NBEA: variants seen among roughly 807,000 people sequenced by gnomAD.
NBEA encodes neurobeachin.
Under a neutral mutation model 343.4 loss-of-function variants are expected in NBEA, and 44 were observed. The ratio of observed to expected loss-of-function variants is 0.13; its 90% confidence interval spans 0.10 to 0.16. The LOEUF (loss-of-function observed/expected upper bound fraction) is 0.16, where lower values mean the gene tolerates loss of function less well. Ranked by LOEUF, NBEA falls within the 10% of genes least tolerant of loss-of-function variation. NBEA has a pLI of 1.00. For missense variants in NBEA, 2,555 were observed against 3,631.3 expected (o/e 0.70, Z 7.62); for synonymous variants, 1,175 against 1,238.7 (o/e 0.95, Z 1.08).
At chr13:35,007,118 A>T (rs1027936086) in intron 1 of NBEA, among the ~76,000 whole-genome samples, 2 of 152,112 alleles carry the variant, frequency 1.3e-5, no homozygotes, top group Non-Finnish European at 2.9e-5. Context: ...ATGATAGATC[A>T]GAAATGATTC....
intron 52 of NBEA, among the ~76,000 whole-genome samples, chr13:35,651,019 A>G (rs764327668): frequency 2.0e-5 from 3 of 152,208 alleles, no homozygotes; most frequent in African/African-American, 4.8e-5. Context: ...CTTCCATTCC[A>G]TCAGAGATAG....
Position 35,196,242 on chromosome 13 carries a change from A to C in NBEA, c.5306A>C (p.Asp1769Ala). Reference sequence around the variant, plus strand: ...GGCCCTGAACCTATCCCATACCCAGATCCAGCATTGAAGAGAGAAACACAA... The same window carrying C: ...GGCCCTGAACCTATCCCATACCCAGCTCCAGCATTGAAGAGAGAAACACAA... ...ECGPEPIPYPDPALKRETQAI... is the reference protein window; with the variant it reads ...ECGPEPIPYPAPALKRETQAI... The change falls in exon 31 of 59, where the codon GAT becomes GCT. Residue 1769 changes from aspartate to alanine, a missense_variant. Coordinates refer to ENST00000379939, the MANE Select transcript of NBEA (RefSeq NM_001385012.1). The C allele has an allele frequency of 6.2e-7, 1 of 1,613,550 alleles. No individual in the cohort carries two copies. Among genetic ancestry groups the C allele is most frequent in the Non-Finnish European group, 8.5e-7 (1 of 1,179,684 alleles).
At chr13:35,363,066 A>T (rs759718677) in intron 38 of NBEA, among the ~76,000 whole-genome samples, 14 of 151,910 alleles carry the variant, frequency 9.2e-5, no homozygotes, top group Non-Finnish European at 1.8e-4. Context: ...GTTGCCATTT[A>T]TGGTGGATGT....
Position 35,183,999 on chromosome 13 carries a change from C to T in NBEA, c.4855C>T (p.His1619Tyr). 1 of 1,611,482 alleles carries T rather than the reference C, an allele frequency of 6.2e-7. No homozygotes were observed. ...AGTTGTGGTCATACCATCTATCCCT[C>T]ATCCAAGTTTGAACCATGGATTCCT... ...STVVVIPSIP[H>Y]PSLNHGFLAK... is the part of the protein sequence containing the mutation. Residue 1619 changes from histidine (H) to tyrosine (Y), a missense_variant, in exon 30 of 59, where the codon CAT becomes TAT. His to Tyr is a moderately conservative substitution (Grantham distance 83). Around this residue, in one of 21 missense-constraint regions of NBEA, gnomAD observed 270 missense variants for 293.3 expected, o/e 0.92. Transcript: ENST00000379939.
intron 6 of NBEA, among the ~76,000 whole-genome samples, chr13:35,050,981 CT>C (rs751364559): frequency 5.9e-5 from 9 of 151,868 alleles, no homozygotes; most frequent in Non-Finnish European, 1.3e-4. Flanking sequence ...AAAAACTGCT[CT>C]AAAGAGAAAA....
chr13:35,381,318 A>G (rs2042003084), intron 38 of NBEA, among the ~76,000 whole-genome samples: 1 of 152,148 alleles, frequency 6.6e-6, no homozygotes. Context: ...GCAGACTACT[A>G]TGCTGTACAC....
At position 35,109,492 on chromosome 13, in the gene NBEA, A is replaced by G. The variant is rs1056275086; in HGVS notation, c.1833+50A>G. 1.4e-5 allele frequency: 21 copies of G among 1,459,130 alleles called. No homozygotes were observed. The Admixed American group carries it at 3.0e-4, about 21-fold the overall frequency. 90.4% of individuals were successfully genotyped at this position (1,459,130 alleles called of 1,614,324 possible). ...TTGATTTAGTGTAATGTTATACATTATAGTTGCTGGATCTATAGTATTCAG... is the reference window on the plus strand; with the variant it reads ...TTGATTTAGTGTAATGTTATACATTGTAGTTGCTGGATCTATAGTATTCAG... On this transcript the variant is annotated intron_variant, in intron 12 of 58. Transcript: ENST00000379939.
intron 18 of NBEA, among the ~76,000 whole-genome samples, chr13:35,145,583 G>A (rs886667767): frequency 1.3e-5 from 2 of 152,186 alleles, no homozygotes; most frequent in Admixed American, 1.3e-4. Flanking sequence ...AACAAGTGAT[G>A]GCTATCCCTA....
At chr13:35,254,879 T>A (rs2032407696) in intron 34 of NBEA, among the ~76,000 whole-genome samples, 1 of 152,042 alleles carries the variant, frequency 6.6e-6, no homozygotes, top group African/African-American at 2.4e-5. Flanking sequence ...ATTCTCCTTT[T>A]TATTGTTACA....
At chr13:34,961,254 T>C (rs2059651883) in intron 1 of NBEA, among the ~76,000 whole-genome samples, 1 of 152,124 alleles carries the variant, frequency 6.6e-6, no homozygotes, top group African/African-American at 2.4e-5. Context: ...AGAGGGACTC[T>C]ATTAATGTAG....
At chr13:35,263,522 T>C (rs1339788687) in intron 34 of NBEA, among the ~76,000 whole-genome samples, 1 of 152,164 alleles carries the variant, frequency 6.6e-6, no homozygotes, top group Non-Finnish European at 1.5e-5. Flanking sequence ...GAATAGAACA[T>C]GTATCACAAA....
chr13:35,245,641 T>A (rs2031070637), intron 34 of NBEA, among the ~76,000 whole-genome samples: 2 of 152,208 alleles, frequency 1.3e-5, no homozygotes, highest in Non-Finnish European at 2.9e-5. Context: ...GTAGGGTTTC[T>A]GCTGAGAAAT....
intron 31 of NBEA, among the ~76,000 whole-genome samples, chr13:35,201,537 C>T (rs1257020802): frequency 6.6e-6 from 1 of 151,928 alleles, no homozygotes; most frequent in Non-Finnish European, 1.5e-5. Flanking sequence ...TATTTAACAT[C>T]CACATCCTAG....
intron 34 of NBEA, among the ~76,000 whole-genome samples, chr13:35,250,807 C>T (rs1447274488): frequency 6.6e-6 from 1 of 152,132 alleles, no homozygotes; most frequent in African/African-American, 2.4e-5. Flanking sequence ...GTATACTATG[C>T]AGTAGTGAAA....
chr13:35,329,710 T>C (rs2038803262), intron 36 of NBEA, among the ~76,000 whole-genome samples: 1 of 152,004 alleles, frequency 6.6e-6, no homozygotes, highest in Non-Finnish European at 1.5e-5. Flanking sequence ...AAAGAACATT[T>C]TGGGGTGAGG....
At chr13:35,310,052 G>C (rs2037253210) in intron 36 of NBEA, among the ~76,000 whole-genome samples, 1 of 151,852 alleles carries the variant, frequency 6.6e-6, no homozygotes, top group Non-Finnish European at 1.5e-5. Flanking sequence ...GTCTCGGTTA[G>C]AAATTTGTAT....
At chr13:35,092,523 G>C (rs1593317962) in intron 10 of NBEA, among the ~76,000 whole-genome samples, 3 of 151,986 alleles carry the variant, frequency 2.0e-5, no homozygotes, top group East Asian at 3.9e-4. Context: ...TTAACAATAA[G>C]ACTACAATTC....
At chr13:35,484,160 T>G (rs1406304001) in intron 41 of NBEA, among the ~76,000 whole-genome samples, 3 of 151,830 alleles carry the variant, frequency 2.0e-5, no homozygotes, top group Non-Finnish European at 4.4e-5. Flanking sequence ...AGCTTTTAAT[T>G]ATGAAATTGA....
intron 1 of NBEA, among the ~76,000 whole-genome samples, chr13:34,996,464 T>TTGTGTG (rs147410730): frequency 2.7e-5 from 4 of 150,550 alleles, no homozygotes; most frequent in Non-Finnish European, 4.4e-5. Flanking sequence ...ACCTCTGCGT[T>TTGTGTG]TGTGTGTGTG....
Sources: gnomAD v4.1 joint callset for allele counts (sites outside exome capture counted in the v4.1 genomes callset) on GRCh38, gnomAD v4.1.1 for gene constraint, gnomAD v4.1.1 regional missense constraint, MANE v1.5 for transcripts, NCBI Gene and HGNC (gene_info 2026-07-23, HGNC 2026-07-21) for gene names.